Variants in OR9Q1 observed in about 807,000 individuals in gnomAD.
OR9Q1 encodes olfactory receptor family 9 subfamily Q member 1.
For synonymous variants in OR9Q1, 153 were observed against 148.6 expected, an observed-to-expected ratio of 1.03 and a Z score of -0.22; for missense variants, 374 against 378.8, an observed-to-expected ratio of 0.99 and a Z score of 0.11.
intron 2 of OR9Q1, among the ~76,000 whole-genome samples, chr11:58,172,023 C>T (rs1418898284): frequency 1.3e-5 from 2 of 152,148 alleles, no homozygotes; most frequent in African/African-American, 2.4e-5. Flanking sequence ...AGAACATTAA[C>T]ATTGAGCAAA....
At chr11:58,127,715 A>C (rs1854103009) in intron 2 of OR9Q1, among the ~76,000 whole-genome samples, 1 of 152,206 alleles carries the variant, frequency 6.6e-6, no homozygotes, top group East Asian at 1.9e-4. Context: ...GGATACTTAA[A>C]GATGCTCTTT....
chr11:58,159,958 C>T (rs779287016), intron 2 of OR9Q1, among the ~76,000 whole-genome samples: 3 of 152,182 alleles, frequency 2.0e-5, no homozygotes, highest in Admixed American at 6.5e-5. Flanking sequence ...ATAACTAGTT[C>T]AACCAGTAAA....
rs530825094 is a variant in OR9Q1, at chr11:58,180,745, T to A, written c.*368T>A. On this transcript the variant is annotated 3_prime_UTR_variant, in exon 3 of 3. Coordinates refer to ENST00000335397, the MANE Select transcript of OR9Q1 (RefSeq NM_001005212.4). ...AAAATAATATGTAGGAAGTTTCCTA[T>A]ACTCAGTACTGAGATTGTGTAATTG... 1 of 180,868 alleles carries A rather than the reference T, an allele frequency of 5.5e-6. No individual in the cohort carries two copies. Among genetic ancestry groups the A allele is most frequent in the East Asian group, 1.7e-4 (1 of 5,766 alleles). The allele number at this position is 180,868 out of a possible 1,614,324, so 11.2% of individuals were successfully genotyped here. A position where few individuals can be genotyped will look rare whatever the true frequency, so the allele number is the denominator to read the frequency against.
chr11:58,173,622 G>A (rs1854576809), intron 2 of OR9Q1, among the ~76,000 whole-genome samples: 1 of 152,086 alleles, frequency 6.6e-6, no homozygotes, highest in Non-Finnish European at 1.5e-5. Context: ...ACTCTGAGCT[G>A]AGAGCTTCTT....
intron 2 of OR9Q1, among the ~76,000 whole-genome samples, chr11:58,176,825 A>G (rs1254557130): frequency 1.3e-5 from 2 of 152,286 alleles, no homozygotes; most frequent in Admixed American, 6.5e-5. Context: ...GAGGGCAACA[A>G]GAACCACCCA....
intron 2 of OR9Q1, among the ~76,000 whole-genome samples, chr11:58,127,775 G>A (rs1263592127): frequency 6.6e-6 from 1 of 152,130 alleles, no homozygotes; most frequent in African/African-American, 2.4e-5. Context: ...TGATGCCACT[G>A]AATGAGTGAA....
Position 58,181,155 on chromosome 11 carries a change from A to G in OR9Q1, c.*778A>G, listed in dbSNP as rs758522118. On this transcript the variant is annotated 3_prime_UTR_variant, in exon 3 of 3. Transcript: ENST00000335397. ...TGCCCTGTTCTTTTTCTTCCTACCT[A>G]TTACAGTTCTCTCTCGTCATATGGC... 6.0e-6 allele frequency: 1 copy of G among 166,974 alleles called. No homozygotes were observed. The highest frequency in any genetic ancestry group is 6.6e-5 in the Admixed American group (1 of 15,260). The allele number at this position is 166,974 out of a possible 1,614,324, so 10.3% of individuals were successfully genotyped here. A position where few individuals can be genotyped will look rare whatever the true frequency, so the allele number is the denominator to read the frequency against.
At chr11:58,094,958 T>G (rs1447008152) in intron 2 of OR9Q1, among the ~76,000 whole-genome samples, 1 of 152,236 alleles carries the variant, frequency 6.6e-6, no homozygotes, top group Non-Finnish European at 1.5e-5. Context: ...GATGATAGAC[T>G]CTGACAAACA....
chr11:58,045,544 G>A (rs1330510081), intron 1 of OR9Q1, among the ~76,000 whole-genome samples: 1 of 152,032 alleles, frequency 6.6e-6, no homozygotes, highest in Non-Finnish European at 1.5e-5. Context: ...ATAATGATAT[G>A]TGCTTTGAAG....
chr11:58,088,538 A>T (rs1410098059), intron 2 of OR9Q1, among the ~76,000 whole-genome samples: 1 of 151,882 alleles, frequency 6.6e-6, no homozygotes. Flanking sequence ...ATGGTATCTC[A>T]TTGTGGTTTT....
intron 2 of OR9Q1, among the ~76,000 whole-genome samples, chr11:58,169,131 C>T (rs1353978813): frequency 6.6e-6 from 1 of 152,086 alleles, no homozygotes; most frequent in Non-Finnish European, 1.5e-5. Flanking sequence ...TTTTTCTTTC[C>T]TCTGGCTTCC....
intron 2 of OR9Q1, among the ~76,000 whole-genome samples, chr11:58,112,927 A>G (rs753001438): frequency 2.6e-4 from 40 of 152,196 alleles, no homozygotes; most frequent in Admixed American, 4.6e-4. Context: ...GCTCCTCTCA[A>G]CACTTGTTGA....
At chr11:58,135,876 A>AC (rs1310533788) in intron 2 of OR9Q1, among the ~76,000 whole-genome samples, 1 of 152,200 alleles carries the variant, frequency 6.6e-6, no homozygotes, top group African/African-American at 2.4e-5. Context: ...CACTTACTGA[A>AC]ATCCCTTGCA....
intron 2 of OR9Q1, among the ~76,000 whole-genome samples, chr11:58,077,020 CA>C (rs1294408084): frequency 6.6e-6 from 1 of 152,076 alleles, no homozygotes; most frequent in Non-Finnish European, 1.5e-5. Flanking sequence ...AAGGGAAAAA[CA>C]GTAGTTCTGG....
intron 2 of OR9Q1, among the ~76,000 whole-genome samples, chr11:58,167,589 C>G (rs897913918): frequency 3.9e-5 from 6 of 152,146 alleles, no homozygotes; most frequent in Non-Finnish European, 8.8e-5. Flanking sequence ...GGTCAACTGA[C>G]TATAAAGTGA....
chr11:58,038,516 A>G (rs1372858655), intron 1 of OR9Q1, among the ~76,000 whole-genome samples: 1 of 152,212 alleles, frequency 6.6e-6, no homozygotes, highest in African/African-American at 2.4e-5. Context: ...AATAAGACTT[A>G]TTAAGATGGA....
At chr11:58,085,204 A>G (rs1427443913) in intron 2 of OR9Q1, among the ~76,000 whole-genome samples, 5 of 151,870 alleles carry the variant, frequency 3.3e-5, no homozygotes. Context: ...TCAGAATAAC[A>G]CATTTTTCTA....
rs78628229 is a variant in OR9Q1 at position 58,112,622 on chromosome 11, A to G, written c.-15+56675A>G. Among the ~76,000 whole-genome samples the G allele has an allele frequency of 3.5e-3, 538 of 152,266 alleles. 2 individuals carry two copies. Among genetic ancestry groups the G allele is most frequent in the Non-Finnish European group, 6.1e-3 (413 of 68,028 alleles). On this transcript the variant is annotated intron_variant, in intron 2 of 2. Coordinates refer to ENST00000335397, the MANE Select transcript of OR9Q1 (RefSeq NM_001005212.4). ...CTCTTTTGCCTAGAGGGATGCATTC[A>G]TCTGTCAGCTTTCTCCTGGAGAGTG...
chr11:58,142,402 A>G (rs1463758820), intron 2 of OR9Q1, among the ~76,000 whole-genome samples: 1 of 152,116 alleles, frequency 6.6e-6, no homozygotes, highest in Non-Finnish European at 1.5e-5. Context: ...GATTTACAGG[A>G]ACTCCTTTTA....
Sources: gnomAD v4.1 joint callset for allele counts (sites outside exome capture counted in the v4.1 genomes callset) on GRCh38, gnomAD v4.1.1 for gene constraint, MANE v1.5 for transcripts, NCBI Gene and HGNC (gene_info 2026-07-23, HGNC 2026-07-21) for gene names.